NLRC4: variants seen among roughly 807,000 people sequenced by gnomAD.
NLRC4 encodes the protein NLR family CARD domain containing 4.
Under a neutral mutation model 79.9 loss-of-function variants are expected in NLRC4, and 63 were observed. The observed-to-expected ratio is 0.79, with a 90% CI of 0.64 to 0.97. The LOEUF (loss-of-function observed/expected upper bound fraction) is 0.97. Ranked by LOEUF, NLRC4 falls within the 50% of genes least tolerant of loss-of-function variation. The probability of loss-of-function intolerance (pLI) is 0.00; values close to 1 mark genes in which losing one functional copy is unlikely to be tolerated. For synonymous variants in NLRC4, 461 were observed against 456.5 expected (o/e 1.01, Z -0.12); for missense variants, 1,074 against 1,215.2 (o/e 0.88, Z 1.73).
Position 32,251,476 on chromosome 2 carries a change from A to C in NLRC4, c.388T>G (p.Leu130Val). 6.2e-7 allele frequency: 1 copy of C among 1,614,148 alleles called. No individual in the cohort carries two copies. The highest frequency in any genetic ancestry group is 1.1e-5 in the South Asian group (1 of 91,080). The part of the protein sequence containing the change: ...LGEDIDIIFN[L>V]KSTFTEPVLW... ...ACAGGTTCTGTGAAGGTGCTTTTCA[A>C]GTTAAAAATAATGTCAATATCTTCA... is the stretch of plus-strand genomic sequence containing the variant. Residue 130 changes from leucine to valine, a missense_variant, in exon 4 of 9, where the codon TTG (leucine) becomes GTG (valine). Transcript: ENST00000402280.
chr2:32,241,489 G>T (rs973355793), intron 4 of NLRC4, among the ~76,000 whole-genome samples: 2 of 143,848 alleles, frequency 1.4e-5, no homozygotes, highest in Non-Finnish European at 3.0e-5. Context: ...CCATTCTCCT[G>T]CCTCAGCCTC....
intron 1 of NLRC4, among the ~76,000 whole-genome samples, chr2:32,259,568 T>C (rs557241586): frequency 2.0e-5 from 3 of 152,100 alleles, no homozygotes; most frequent in Admixed American, 6.6e-5. Flanking sequence ...TCAATATTGG[T>C]TTATTATTCT....
chr2:32,240,187 G>A (rs1263978771), intron 5 of NLRC4, among the ~76,000 whole-genome samples: 2 of 151,948 alleles, frequency 1.3e-5, no homozygotes, highest in African/African-American at 4.8e-5. Flanking sequence ...CACCATGTTG[G>A]CCAGGCTGGT....
In NLRC4 at chr2:32,250,158, G is replaced by T; in HGVS notation, c.1706C>A (p.Ser569Ter). The change falls in exon 4 of 9, where the codon TCA (serine) becomes TAA (stop). Residue 569 changes from serine (S) to a stop codon, truncating the protein, a stop_gained. Transcript: ENST00000402280. LOFTEE classifies it high-confidence loss of function. This position sits in a 1 kb window ranked among gnomAD's most constrained non-coding sequence, Gnocchi z 4.9. ...IHLYQESTSK[S>*]ALSQEFEAFF... The stretch of plus-strand genomic sequence containing the variant: ...AGCTTCAAATTCTTGGCTCAGGGCT[G>T]ATTTGGATGTACTCTCTTGATATAA... 1.2e-6 allele frequency: 2 copies of T among 1,614,240 alleles called. No homozygotes were observed. Among genetic ancestry groups the T allele is most frequent in the Non-Finnish European group, 1.7e-6 (2 of 1,180,044 alleles).
chr2:32,245,687 T>A (rs1274989035), intron 4 of NLRC4, among the ~76,000 whole-genome samples: 1 of 152,214 alleles, frequency 6.6e-6, no homozygotes, highest in Non-Finnish European at 1.5e-5. Context: ...ATGATGTGAT[T>A]ATTACACATT....
chr2:32,235,710 G>A, intron 7 of NLRC4, 142 bp from the exon 8 acceptor site: 1 of 609,564 alleles, frequency 1.6e-6, no homozygotes, highest in East Asian at 2.9e-5. Context: ...TTAATTTTTG[G>A]TTTTTTTTTG....
Position 32,252,627 on chromosome 2 carries a change from A to G in NLRC4, c.54T>C (p.Thr18=). 1.9e-6 allele frequency: 3 copies of G among 1,613,850 alleles called. No homozygotes were observed. The highest frequency in any genetic ancestry group is 2.5e-6 in the Non-Finnish European group (3 of 1,179,696). ...SRALIQRMGM[T]VIKQITDDLF... is the part of the protein sequence containing the mutation. Reference sequence around the variant, plus strand: ...GGTCATCTGTGATTTGCTTTATAACAGTCATTCCCATTCTTTGAATAAGGG... The same window carrying G: ...GGTCATCTGTGATTTGCTTTATAACGGTCATTCCCATTCTTTGAATAAGGG... Residue 18 remains threonine, a synonymous_variant, in exon 3 of 9, where the codon ACT becomes ACC. Transcript: ENST00000402280.
In NLRC4 at chr2:32,251,980, A is replaced by C. The variant is rs1174300079; in HGVS notation, c.263-379T>G. 2.6e-5 allele frequency among the ~76,000 whole-genome samples: 4 copies of C among 152,338 alleles called. No individual in the cohort carries two copies. The East Asian group carries it at 7.7e-4, about 29-fold the overall frequency. On this transcript the variant is annotated intron_variant, in intron 3 of 8. Transcript: ENST00000402280. ...TCATGACCTTATTTACTAATTAAAA[A>C]AATAAAAACAATATTTTATGAAACA...
chr2:32,261,085 C>T (rs931759111), intron 1 of NLRC4, among the ~76,000 whole-genome samples: 8 of 150,752 alleles, frequency 5.3e-5, no homozygotes, highest in African/African-American at 1.5e-4. Context: ...CCCAGCTAAT[C>T]GGGAGGCTGA....
At chr2:32,252,003 A>G (rs1687090108) in intron 3 of NLRC4, among the ~76,000 whole-genome samples, 1 of 152,208 alleles carries the variant, frequency 6.6e-6, no homozygotes, top group South Asian at 2.1e-4. Flanking sequence ...ATTTTATGAA[A>G]CATAGAATCA....
At position 32,235,456 on chromosome 2, in the gene NLRC4, G is replaced by A. The variant is rs147980356; in HGVS notation, c.2727C>T (p.Leu909=). ...LLKHLEEVPQ[L]VKLGLKNWRL... is the part of the protein sequence containing the mutation. ...TCCAGTTTTTCAACCCAAGCTTGACGAGTTGTGGGACCTCCTCCAAATGTT... is the reference window on the plus strand; with the variant it reads ...TCCAGTTTTTCAACCCAAGCTTGACAAGTTGTGGGACCTCCTCCAAATGTT... The change falls in exon 8 of 9, where the codon CTC becomes CTT. Residue 909 remains leucine, a synonymous_variant. Transcript: ENST00000402280. 1.7e-4 allele frequency: 270 copies of A among 1,614,036 alleles called. 2 individuals carry two copies. In the African/African-American group the frequency reaches 2.3e-3, roughly 14 times the overall value.
At position 32,251,810 on chromosome 2, in the gene NLRC4, C is replaced by T. The variant is rs372555764; in HGVS notation, c.263-209G>A. Among the ~76,000 whole-genome samples, 6 of 152,214 alleles carry T rather than the reference C, an allele frequency of 3.9e-5. No homozygotes were observed. The East Asian group carries it at 7.7e-4, about 20-fold the overall frequency. ...CCACTCCCCTTTTTGCTTTCTGTTTCCTCCTTTCCACAACCAAATCTTATA... is the reference window on the plus strand; with the variant it reads ...CCACTCCCCTTTTTGCTTTCTGTTTTCTCCTTTCCACAACCAAATCTTATA... On this transcript the variant is annotated intron_variant, in intron 3 of 8. Transcript: ENST00000402280.
At chr2:32,244,287 ACATC>A (rs2148938366) in intron 4 of NLRC4, among the ~76,000 whole-genome samples, 1 of 152,210 alleles carries the variant, frequency 6.6e-6, no homozygotes, top group African/African-American at 2.4e-5. Context: ...AAACAATCCA[ACATC>A]CATCCATGTA....
chr2:32,233,354 T>TATATATAGA (rs1558447328), intron 8 of NLRC4, among the ~76,000 whole-genome samples: 1 of 88,694 alleles, frequency 1.1e-5, no homozygotes, highest in African/African-American at 5.1e-5. Context: ...TATATATTTT[T>TATATATAGA]TTTTTTTTTT....
intron 3 of NLRC4, 53 bp from the exon 4 acceptor site, chr2:32,251,654 A>C: frequency 8.0e-7 from 1 of 1,251,672 alleles, no homozygotes; most frequent in Non-Finnish European, 1.1e-6. Context: ...TCTCCTCAAA[A>C]CCTAGAGTTC....
chr2:32,231,150 A>G (rs2148931133), intron 8 of NLRC4, among the ~76,000 whole-genome samples: 1 of 152,022 alleles, frequency 6.6e-6, no homozygotes, highest in South Asian at 2.1e-4. Context: ...GTGAGTTGTA[A>G]GAGTTTTTTT....
intron 5 of NLRC4, among the ~76,000 whole-genome samples, chr2:32,239,478 G>C (rs1177137852): frequency 2.6e-5 from 4 of 152,236 alleles, no homozygotes; most frequent in East Asian, 1.9e-4. Context: ...TTTGCAGTCA[G>C]TTCCTGGATC....
chr2:32,261,222 T>G (rs1177743911), intron 1 of NLRC4, among the ~76,000 whole-genome samples: 1 of 149,182 alleles, frequency 6.7e-6, no homozygotes, highest in African/African-American at 2.5e-5. Context: ...CACCATGTAT[T>G]TCACCACAAA....
At chr2:32,264,427 C>T (rs1448791137) in intron 1 of NLRC4, among the ~76,000 whole-genome samples, 7 of 129,326 alleles carry the variant, frequency 5.4e-5, no homozygotes, top group South Asian at 2.5e-4. Flanking sequence ...GAGCAAGACT[C>T]TGTCTCAAAA....
Sources: allele counts gnomAD v4.1 joint callset (sites outside exome capture counted in the v4.1 genomes callset), GRCh38; gene constraint gnomAD v4.1.1; non-coding constraint Gnocchi (gnomAD v3.1); transcripts MANE v1.5; gene names NCBI Gene and HGNC (gene_info 2026-07-23, HGNC 2026-07-21).